GALNTL6: variants seen among roughly 807,000 people sequenced by gnomAD.
GALNTL6 encodes the protein polypeptide N-acetylgalactosaminyltransferase-like 6.
GALNTL6 carries 46 observed loss-of-function variants against 73.7 expected under a neutral mutation model. The observed-to-expected ratio is 0.62, with a 90% CI of 0.49 to 0.80. The LOEUF is 0.80. Ranked by LOEUF, GALNTL6 falls within the 30% of genes least tolerant of loss-of-function variation. The pLI, the probability that GALNTL6 is intolerant of heterozygous loss-of-function variation, is 0.00. For synonymous variants in GALNTL6, 259 were observed against 263.7 expected (o/e 0.98, Z 0.17); for missense variants, 604 against 755.0 (o/e 0.80, Z 2.34).
At chr4:172,206,283 A>T (rs1014994113) in intron 2 of GALNTL6, among the ~76,000 whole-genome samples, 2 of 152,058 alleles carry the variant, frequency 1.3e-5, no homozygotes, top group Non-Finnish European at 2.9e-5. Context: ...TGAGAAAAAA[A>T]TTTTCCAAAT....
At chr4:172,194,457 A>G (rs1228507335) in intron 2 of GALNTL6, among the ~76,000 whole-genome samples, 2 of 152,196 alleles carry the variant, frequency 1.3e-5, no homozygotes, top group Non-Finnish European at 2.9e-5. Flanking sequence ...AGAGAAGCTC[A>G]GTAGGATAAT....
chr4:172,465,828 T>TA (rs1369545711), intron 5 of GALNTL6, among the ~76,000 whole-genome samples: 5 of 152,334 alleles, frequency 3.3e-5, no homozygotes. Flanking sequence ...ACACCTTTTA[T>TA]AAAAAATGTC....
chr4:172,748,500 A>G (rs990394235), intron 5 of GALNTL6, among the ~76,000 whole-genome samples: 4 of 152,112 alleles, frequency 2.6e-5, no homozygotes, highest in Non-Finnish European at 4.4e-5. Context: ...CATTATAATG[A>G]AACAACATGG....
At chr4:172,155,259 A>C (rs187599426) in intron 2 of GALNTL6, among the ~76,000 whole-genome samples, 3 of 152,154 alleles carry the variant, frequency 2.0e-5, no homozygotes, top group Non-Finnish European at 4.4e-5. Context: ...CAGGCTTCCA[A>C]AGTGCTGGCA....
At chr4:172,310,828 T>G (rs1314371808) in intron 3 of GALNTL6, among the ~76,000 whole-genome samples, 4 of 151,728 alleles carry the variant, frequency 2.6e-5, no homozygotes, top group African/African-American at 9.7e-5. Flanking sequence ...ATCATCTGGA[T>G]GGAAAAATTA....
chr4:172,641,965 G>A (rs952050172), intron 5 of GALNTL6, among the ~76,000 whole-genome samples: 1 of 151,976 alleles, frequency 6.6e-6, no homozygotes, highest in Admixed American at 6.6e-5. Flanking sequence ...GGGCCAACAG[G>A]TATATGAAAG....
intron 5 of GALNTL6, among the ~76,000 whole-genome samples, chr4:172,416,806 A>C (rs940051975): frequency 6.6e-6 from 1 of 152,192 alleles, no homozygotes; most frequent in Non-Finnish European, 1.5e-5. Flanking sequence ...CACTTGAGAC[A>C]CAAAACATTT....
intron 2 of GALNTL6, among the ~76,000 whole-genome samples, chr4:172,109,736 C>T (rs915499621): frequency 6.6e-6 from 1 of 152,140 alleles, no homozygotes; most frequent in African/African-American, 2.4e-5. Context: ...GAAAGCAAAG[C>T]TCCCATTTGT....
At chr4:171,916,771 G>T (rs957950419) in intron 2 of GALNTL6, among the ~76,000 whole-genome samples, 2 of 151,766 alleles carry the variant, frequency 1.3e-5, no homozygotes, top group Non-Finnish European at 2.9e-5. Context: ...AATATGTTCT[G>T]GATTTACAAT....
At chr4:172,686,941 A>T (rs2111245624) in intron 5 of GALNTL6, among the ~76,000 whole-genome samples, 1 of 152,294 alleles carries the variant, frequency 6.6e-6, no homozygotes, top group Admixed American at 6.5e-5. Flanking sequence ...ACATAATCAC[A>T]TTACCGTCTA....
In GALNTL6 at chr4:172,886,008, T is replaced by C. The variant is rs1267211165; in HGVS notation, c.1041+3101T>C. On this transcript the variant is annotated intron_variant, in intron 8 of 12. Transcript: ENST00000506823. ...TGAGGAATGTTGGCCTATAGATTTT[T>C]TTGTGTGTGTACCTGTCTAGTTTAG... is the stretch of plus-strand genomic sequence containing the variant. 3.9e-5 allele frequency among the ~76,000 whole-genome samples: 6 copies of C among 152,282 alleles called. No individual in the cohort carries two copies. In the East Asian group the frequency reaches 1.2e-3, roughly 29 times the overall value.
rs1752987506 is a variant in GALNTL6, at chr4:173,021,483, C to T, written c.1496C>T (p.Thr499Ile). 3 of 1,613,888 alleles carry T rather than the reference C, an allele frequency of 1.9e-6. No homozygotes were observed. Among genetic ancestry groups the T allele is most frequent in the African/African-American group, 1.3e-5 (1 of 74,884 alleles). The part of the protein sequence containing the change: ...ERTWSHEQLF[T>I]FGWREDIRPG... ...CTACTGTTGCTTTGCTAGCTTTTTA[C>T]CTTTGGATGGAGAGAAGATATTCGA... is the stretch of plus-strand genomic sequence containing the variant. Residue 499 changes from threonine (T) to isoleucine (I), a missense_variant, in exon 12 of 13, where the codon ACC (threonine) becomes ATC (isoleucine). Around this residue, in one of 5 missense-constraint regions of GALNTL6, gnomAD observed 261 missense variants for 296.5 expected, o/e 0.88. Coordinates refer to ENST00000506823, the MANE Select transcript of GALNTL6 (RefSeq NM_001034845.3).
At chr4:172,276,044 T>G (rs1157943161) in intron 3 of GALNTL6, among the ~76,000 whole-genome samples, 2 of 152,194 alleles carry the variant, frequency 1.3e-5, no homozygotes, top group Admixed American at 6.5e-5. Context: ...TATAATATTT[T>G]TAAACTTCTT....
At chr4:171,888,549 C>G (rs1236779255) in intron 2 of GALNTL6, among the ~76,000 whole-genome samples, 4 of 151,920 alleles carry the variant, frequency 2.6e-5, no homozygotes, top group Admixed American at 6.6e-5. Flanking sequence ...ACTGAATCCT[C>G]AAGTCTGTCA....
intron 2 of GALNTL6, among the ~76,000 whole-genome samples, chr4:172,021,298 G>C (rs1741392963): frequency 6.6e-6 from 1 of 151,746 alleles, no homozygotes; most frequent in Non-Finnish European, 1.5e-5. Flanking sequence ...TCAGAAAAGA[G>C]GAATAATAAA....
intron 3 of GALNTL6, among the ~76,000 whole-genome samples, chr4:172,262,075 G>A (rs558430237): frequency 6.6e-6 from 1 of 151,390 alleles, no homozygotes; most frequent in South Asian, 2.1e-4. Context: ...CTTGGAGAAT[G>A]TTCCATGTGC....
chr4:172,873,400 G>T (rs1407243833), intron 7 of GALNTL6, among the ~76,000 whole-genome samples: 1 of 152,228 alleles, frequency 6.6e-6, no homozygotes, highest in African/African-American at 2.4e-5. Flanking sequence ...GAGCTACATG[G>T]TCTTTCATAA....
intron 5 of GALNTL6, among the ~76,000 whole-genome samples, chr4:172,563,234 C>T (rs1736440700): frequency 6.6e-6 from 1 of 152,174 alleles, no homozygotes; most frequent in Admixed American, 6.5e-5. Flanking sequence ...GCACACTCTT[C>T]TTTGTTCCTT....
At chr4:172,107,855 A>G (rs1400413122) in intron 2 of GALNTL6, among the ~76,000 whole-genome samples, 1 of 152,184 alleles carries the variant, frequency 6.6e-6, no homozygotes, top group African/African-American at 2.4e-5. Flanking sequence ...TGGTGTAAAC[A>G]GATGTCTGTT....
Sources: gnomAD v4.1 joint callset for allele counts (sites outside exome capture counted in the v4.1 genomes callset) on GRCh38, gnomAD v4.1.1 for gene constraint, gnomAD v4.1.1 regional missense constraint, MANE v1.5 for transcripts, NCBI Gene and HGNC (gene_info 2026-07-23, HGNC 2026-07-21) for gene names.